FAM120B: variants seen among roughly 807,000 people sequenced by gnomAD.
FAM120B encodes constitutive coactivator of peroxisome proliferator-activated receptor gamma.
Under a neutral mutation model 96.3 loss-of-function variants are expected in FAM120B, and 83 were observed. That is an observed-to-expected ratio of 0.86 (90% CI 0.72 to 1.03). The LOEUF (loss-of-function observed/expected upper bound fraction) is 1.03. Ranked by LOEUF, FAM120B falls within the 50% of genes least tolerant of loss-of-function variation. The pLI, the probability that FAM120B is intolerant of heterozygous loss-of-function variation, is 0.00. For missense variants in FAM120B, 1,027 were observed against 1,121.2 expected (o/e 0.92, Z 1.20); for synonymous variants, 407 against 402.7 (o/e 1.01, Z -0.13).
chr6:170,318,297 T>G lies in FAM120B; in HGVS notation c.907T>G (p.Ser303Ala). 1 of 1,614,164 alleles carries G rather than the reference T, an allele frequency of 6.2e-7. No individual in the cohort carries two copies. Among genetic ancestry groups the G allele is most frequent in the Non-Finnish European group, 8.5e-7 (1 of 1,180,018 alleles). The change falls in exon 2 of 11, where the codon TCA (serine) becomes GCA (alanine). Residue 303 changes from serine (S) to alanine (A), a missense_variant. Around this residue, in one of 3 missense-constraint regions of FAM120B, gnomAD observed 880 missense variants for 980.9 expected, o/e 0.90. Transcript: ENST00000476287. ...NKALFYKGMA[S>A]YLLPGQKSPW... ...AGCTCTTTTTTATAAAGGAATGGCA[T>G]CATATCTTTTACCAGGACAAAAATC...
intron 5 of FAM120B, 37 bp from the exon 6 acceptor site, chr6:170,358,189 C>A: frequency 1.3e-6 from 2 of 1,502,888 alleles, no homozygotes; most frequent in Non-Finnish European, 1.8e-6. Flanking sequence ...TTAATTTTTC[C>A]TGTAGCCTAA....
At chr6:170,403,237 C>T (rs1778677183) in intron 9 of FAM120B, among the ~76,000 whole-genome samples, 1 of 152,192 alleles carries the variant, frequency 6.6e-6, no homozygotes, top group Admixed American at 6.5e-5. Flanking sequence ...TACACACATG[C>T]ACACACACTG....
chr6:170,310,217 C>G (rs1029198476), intron 1 of FAM120B, among the ~76,000 whole-genome samples: 12 of 152,206 alleles, frequency 7.9e-5, no homozygotes, highest in Non-Finnish European at 1.8e-4. Context: ...GCATCAGCCT[C>G]TAAGGGGTTT....
intron 4 of FAM120B, 191 bp downstream of exon 4, chr6:170,330,741 A>G (rs763184919): frequency 3.4e-6 from 2 of 596,490 alleles, no homozygotes; most frequent in Non-Finnish European, 5.9e-6. Context: ...ATGCTGTGGC[A>G]GGTTTACCCT....
chr6:170,327,085 C>T (rs578048208), intron 3 of FAM120B, among the ~76,000 whole-genome samples: 43 of 150,024 alleles, frequency 2.9e-4, no homozygotes, highest in African/African-American at 8.8e-4. Context: ...CTTGCTCTGT[C>T]GCCCAGGCTG....
chr6:170,400,377 A>C (rs185145134), intron 9 of FAM120B, among the ~76,000 whole-genome samples: 2 of 152,128 alleles, frequency 1.3e-5, no homozygotes, highest in African/African-American at 4.8e-5. Flanking sequence ...AGGCAGGTGG[A>C]GTGGGACCTG....
intron 1 of FAM120B, chr6:170,298,057 TG>T (rs1784058115): frequency 6.6e-6 from 1 of 152,242 alleles, no homozygotes; most frequent in South Asian, 2.1e-4. Flanking sequence ...TCGGCCACAA[TG>T]AGTCCTTTAG....
intron 5 of FAM120B, among the ~76,000 whole-genome samples, chr6:170,355,203 C>T (rs927782690): frequency 6.6e-6 from 1 of 152,150 alleles, no homozygotes; most frequent in African/African-American, 2.4e-5. Context: ...TTTGACCCAG[C>T]AATCCCATTA....
At chr6:170,378,376 C>G (rs1413629845) in intron 6 of FAM120B, among the ~76,000 whole-genome samples, 2 of 152,282 alleles carry the variant, frequency 1.3e-5, no homozygotes, top group Non-Finnish European at 2.9e-5. Flanking sequence ...CTGGCACACA[C>G]CCTGCCACCC....
intron 5 of FAM120B, among the ~76,000 whole-genome samples, chr6:170,356,610 G>A (rs1381334577): frequency 2.6e-5 from 4 of 152,230 alleles, no homozygotes; most frequent in East Asian, 1.9e-4. Context: ...CAAGTCCTGC[G>A]GTCAGCCTGT....
intron 2 of FAM120B, among the ~76,000 whole-genome samples, chr6:170,320,492 A>G (rs1785213117): frequency 6.6e-6 from 1 of 152,214 alleles, no homozygotes; most frequent in South Asian, 2.1e-4. Context: ...AAATTCAAGA[A>G]ATGTTTCAGA....
intron 6 of FAM120B, among the ~76,000 whole-genome samples, chr6:170,376,583 C>A (rs1012402104): frequency 1.3e-5 from 2 of 152,146 alleles, no homozygotes; most frequent in Non-Finnish European, 2.9e-5. Context: ...CAAGAAAAGA[C>A]CGGTAAGTAC....
intron 9 of FAM120B, among the ~76,000 whole-genome samples, chr6:170,398,381 C>A (rs999197964): frequency 6.6e-6 from 1 of 151,938 alleles, no homozygotes; most frequent in Non-Finnish European, 1.5e-5. Flanking sequence ...TGTCATAACT[C>A]TTAGGAGTGA....
chr6:170,293,699 T>C (rs1028317290), upstream of FAM120B, among the ~76,000 whole-genome samples: 45 of 152,056 alleles, frequency 3.0e-4, no homozygotes, highest in African/African-American at 1.0e-3. Flanking sequence ...CTCCTCTTTC[T>C]CCTACTCCAC....
At chr6:170,331,038 G>GA (rs1253186735) in intron 4 of FAM120B, among the ~76,000 whole-genome samples, 1 of 152,076 alleles carries the variant, frequency 6.6e-6, no homozygotes, top group African/African-American at 2.4e-5. Flanking sequence ...ATTTCCACTG[G>GA]AAAAAAGGTT....
At chr6:170,335,457 T>C (rs1009712962) in intron 4 of FAM120B, among the ~76,000 whole-genome samples, 6 of 152,232 alleles carry the variant, frequency 3.9e-5, no homozygotes, top group African/African-American at 1.4e-4. Flanking sequence ...CAGTCTATCA[T>C]TGATGGGCAT....
chr6:170,306,277 G>C (rs9366201), upstream of FAM120B, among the ~76,000 whole-genome samples: 17,418 of 152,082 alleles, frequency 0.11, 1,330 homozygotes, highest in East Asian at 0.31. Context: ...GGAAGCGCGC[G>C]GCGGGTCCCC....
intron 6 of FAM120B, among the ~76,000 whole-genome samples, chr6:170,360,292 T>C (rs776512803): frequency 2.0e-5 from 3 of 152,192 alleles, no homozygotes; most frequent in African/African-American, 4.8e-5. Flanking sequence ...ATTTGTAAAA[T>C]GAAGAAACCA....
chr6:170,309,468 A>G (rs1285354399), intron 1 of FAM120B, among the ~76,000 whole-genome samples: 1 of 152,254 alleles, frequency 6.6e-6, no homozygotes, highest in East Asian at 1.9e-4. Context: ...TGTTTTGCTT[A>G]TAAACAAATA....
Sources: allele counts gnomAD v4.1 joint callset (sites outside exome capture counted in the v4.1 genomes callset), GRCh38; gene constraint gnomAD v4.1.1; regional missense constraint gnomAD v4.1.1; transcripts MANE v1.5; gene names NCBI Gene and HGNC (gene_info 2026-07-23, HGNC 2026-07-21).